Variants in GOLGB1 observed in about 807,000 individuals in gnomAD.
GOLGB1 encodes golgin B1.
Under a neutral mutation model 336.9 loss-of-function variants are expected in GOLGB1, and 174 were observed. The ratio of observed to expected loss-of-function variants is 0.52; its 90% CI spans 0.46 to 0.59. The LOEUF (loss-of-function observed/expected upper bound fraction) is 0.59. GOLGB1 is among the 20% of genes least tolerant of loss of function. The pLI, the probability that GOLGB1 is intolerant of heterozygous loss-of-function variation, is 0.00. For synonymous variants in GOLGB1, 1,208 were observed against 1,289.2 expected (o/e 0.94, Z 1.35); for missense variants, 3,331 against 3,645.3 (o/e 0.91, Z 2.22).
rs562643018 is a variant in GOLGB1 at position 121,734,123 on chromosome 3, C to T, written c.-2-3150G>A. On this transcript the variant is annotated intron_variant, in intron 1 of 21. Coordinates refer to ENST00000614479, the MANE Select transcript of GOLGB1 (RefSeq NM_001366282.2). Reference sequence around the variant, plus strand: ...AAGTCACTGAAGCCAGGCGTGGTGGCTCACACCTGTAATCCCAGCACTTTG... The same window carrying T: ...AAGTCACTGAAGCCAGGCGTGGTGGTTCACACCTGTAATCCCAGCACTTTG... 2.9e-4 allele frequency among the ~76,000 whole-genome samples: 44 copies of T among 152,248 alleles called. No homozygotes were observed. The South Asian group carries it at 7.9e-3, about 27-fold the overall frequency.
intron 17 of GOLGB1, among the ~76,000 whole-genome samples, chr3:121,669,696 C>T (rs988263569): frequency 2.0e-5 from 3 of 152,016 alleles, no homozygotes; most frequent in Non-Finnish European, 4.4e-5. Context: ...GAAGGCAGTA[C>T]CTCAGGGTCA....
At chr3:121,735,756 A>G (rs1946427911) in intron 1 of GOLGB1, among the ~76,000 whole-genome samples, 1 of 152,214 alleles carries the variant, frequency 6.6e-6, no homozygotes, top group African/African-American at 2.4e-5. Context: ...ATTATAAATA[A>G]TCAGTTATTA....
Position 121,696,028 on chromosome 3 carries a change from C to G in GOLGB1, c.4495G>C (p.Glu1499Gln). The G allele has an allele frequency of 6.2e-7, 1 of 1,614,088 alleles. No individual in the cohort carries two copies. The highest frequency in any genetic ancestry group is 1.1e-5 in the South Asian group (1 of 91,078). ...KLQAALISRK[E>Q]ALKENKSLQE... ...AGACTTTTGTTTTCTTTTAGTGCTT[C>G]TTTTCGGGAAATAAGGGCAGCTTGC... The change falls in exon 13 of 22, where the codon GAA becomes CAA. Residue 1499 changes from glutamate (E) to glutamine (Q), a missense_variant. Glu to Gln is a conservative substitution (Grantham distance 29, BLOSUM62 2). Transcript: ENST00000614479.
intron 4 of GOLGB1, among the ~76,000 whole-genome samples, chr3:121,728,690 C>A (rs928453190): frequency 6.6e-6 from 1 of 152,228 alleles, no homozygotes; most frequent in East Asian, 1.9e-4. Context: ...TAGTGAGCCT[C>A]CCTTTTAGAG....
At chr3:121,712,997 A>T (rs1001151500) in intron 10 of GOLGB1, among the ~76,000 whole-genome samples, 9 of 152,120 alleles carry the variant, frequency 5.9e-5, no homozygotes, top group Non-Finnish European at 1.3e-4. Context: ...CCCTGTCTCT[A>T]CTAAAAATAC....
intron 1 of GOLGB1, among the ~76,000 whole-genome samples, chr3:121,742,295 C>A (rs1011931035): frequency 5.9e-5 from 9 of 152,024 alleles, no homozygotes; most frequent in African/African-American, 9.7e-5. Flanking sequence ...CAGAACAGAG[C>A]CCTCAGAAAT....
At chr3:121,733,287 C>CAAAAAA (rs35457720) in intron 1 of GOLGB1, among the ~76,000 whole-genome samples, 1 of 64,628 alleles carries the variant, frequency 1.5e-5, no homozygotes, top group African/African-American at 7.5e-5. Flanking sequence ...TGCTCCGTCT[C>CAAAAAA]AAAAAAAAAA....
intron 14 of GOLGB1, among the ~76,000 whole-genome samples, chr3:121,690,287 TA>T (rs1373154109): frequency 6.6e-6 from 1 of 152,244 alleles, no homozygotes; most frequent in Non-Finnish European, 1.5e-5. Context: ...ATGATCCTTA[TA>T]CTTCACTGTA....
intron 4 of GOLGB1, among the ~76,000 whole-genome samples, chr3:121,727,318 A>AT (rs1945737026): frequency 3.6e-4 from 12 of 33,476 alleles, no homozygotes; most frequent in South Asian, 2.5e-3. Context: ...ATATATATAT[A>AT]TATTTTTTTT....
intron 5 of GOLGB1, among the ~76,000 whole-genome samples, chr3:121,726,433 C>CAAAAAAAAAAAAAAAAAAAAAAAAAAAAA (rs10547964): frequency 1.5e-4 from 9 of 61,422 alleles, no homozygotes; most frequent in Non-Finnish European, 2.6e-4. Flanking sequence ...CACCCTGTCT[C>CAAAAAAAAAAAAAAAAAAAAAAAAAAAAA]AAAAAAAAAA....
At chr3:121,673,685 T>G (rs908694106) in intron 17 of GOLGB1, among the ~76,000 whole-genome samples, 2 of 139,144 alleles carry the variant, frequency 1.4e-5, no homozygotes, top group Non-Finnish European at 3.1e-5. Flanking sequence ...TAAATGGGAT[T>G]GCTATCTATC....
At chr3:121,726,790 G>A (rs1945649804) in intron 5 of GOLGB1, 123 bp downstream of exon 5, 2 of 553,044 alleles carry the variant, frequency 3.6e-6, no homozygotes, top group Non-Finnish European at 6.0e-6. Context: ...AGAAAAGAAG[G>A]AGACTGATAT....
intron 10 of GOLGB1, among the ~76,000 whole-genome samples, chr3:121,705,732 G>C (rs1560261737): frequency 6.6e-6 from 1 of 152,232 alleles, no homozygotes. Context: ...GGACATGAAT[G>C]TGAGGAAAGC....
At chr3:121,692,620 A>G in intron 13 of GOLGB1, 39 bp from the exon 14 acceptor site, 6 of 1,223,366 alleles carry the variant, frequency 4.9e-6, no homozygotes, top group Non-Finnish European at 6.9e-6. Context: ...AGATTTCAAG[A>G]AAAAAACTGT....
At position 121,695,219 on chromosome 3, in the gene GOLGB1, T is replaced by C. The variant is rs898929783; in HGVS notation, c.5304A>G (p.Ile1768Met). ...TAGCTTGTTTAGATACATTACCTTC[T>C]ATCTGATGCTTTAAATCTTGAACCT... ...SEEVQDLKHQ[I>M]EGNVSKQANL... The change falls in exon 13 of 22, where the codon ATA (isoleucine) becomes ATG (methionine). Residue 1768 changes from isoleucine (I) to methionine (M), a missense_variant. Coordinates refer to ENST00000614479, the MANE Select transcript of GOLGB1 (RefSeq NM_001366282.2). 3 of 1,613,694 alleles carry C rather than the reference T, an allele frequency of 1.9e-6. No homozygotes were observed. The highest frequency in any genetic ancestry group is 2.5e-6 in the Non-Finnish European group (3 of 1,179,930).
chr3:121,727,318 ATATTTTTTTTTTT>A (rs1328728610), intron 4 of GOLGB1, among the ~76,000 whole-genome samples: 63 of 33,472 alleles, frequency 1.9e-3, no homozygotes, highest in African/African-American at 5.4e-3. Context: ...ATATATATAT[ATATTTTTTTTTTT>A]TTTTTTTTTT....
At chr3:121,688,485 G>A (rs1448215156) in intron 14 of GOLGB1, among the ~76,000 whole-genome samples, 1 of 152,234 alleles carries the variant, frequency 6.6e-6, no homozygotes, top group Non-Finnish European at 1.5e-5. Context: ...GGTTCACTCA[G>A]TGCTCAATGG....
intron 9 of GOLGB1, among the ~76,000 whole-genome samples, chr3:121,716,384 C>A (rs1944776966): frequency 6.6e-6 from 1 of 152,154 alleles, no homozygotes; most frequent in African/African-American, 2.4e-5. Context: ...AATTTAGTCT[C>A]CTAACCTATG....
chr3:121,707,339 G>C (rs1419077521), intron 10 of GOLGB1, among the ~76,000 whole-genome samples: 3 of 150,632 alleles, frequency 2.0e-5, no homozygotes, highest in African/African-American at 7.3e-5. Flanking sequence ...AAGTCCTTCA[G>C]AGCCAGGTGC....
Sources: allele counts gnomAD v4.1 joint callset (sites outside exome capture counted in the v4.1 genomes callset), GRCh38; gene constraint gnomAD v4.1.1; transcripts MANE v1.5; gene names NCBI Gene and HGNC (gene_info 2026-07-23, HGNC 2026-07-21).